Variants in NAF1 observed in about 807,000 individuals in gnomAD.
NAF1 encodes the protein nuclear assembly factor 1 ribonucleoprotein, also known as H/ACA ribonucleoprotein complex non-core subunit NAF1.
In NAF1, 11 loss-of-function variants were observed where a neutral mutation model predicts 40.6. The observed-to-expected ratio is 0.27, with a 90% confidence interval of 0.17 to 0.45. The LOEUF is 0.45. NAF1 is among the 20% of genes least tolerant of loss of function. The probability of loss-of-function intolerance (pLI) is 1.00; values close to 1 mark genes in which losing one functional copy is unlikely to be tolerated. For missense variants in NAF1, 607 were observed against 611.1 expected (o/e 0.99, Z 0.07); for synonymous variants, 260 against 228.5 (o/e 1.14, Z -1.24).
At position 163,166,782 on chromosome 4, in the gene NAF1, A is replaced by T; in HGVS notation, c.-55T>A. The T allele has an allele frequency of 6.2e-7, 1 of 1,602,134 alleles. No homozygotes were observed. The highest frequency in any genetic ancestry group is 8.5e-7 in the Non-Finnish European group (1 of 1,175,200). On this transcript the variant is annotated 5_prime_UTR_variant, in exon 1 of 8. Coordinates refer to ENST00000274054, the MANE Select transcript of NAF1 (RefSeq NM_138386.3). ...AGGATTGGGGCCCCTGGACAAGCTC[A>T]CGGCTCTCTCCAGAAATAGAAAAAC...
intron 2 of NAF1, chr4:163,110,336 T>C (rs972331533): frequency 2.9e-6 from 2 of 694,662 alleles, no homozygotes; most frequent in African/African-American, 1.8e-5. Context: ...AGAGAAAGAA[T>C]ACATTCACAT....
chr4:163,133,013 C>T (rs1730927564), intron 7 of NAF1, 141 bp downstream of exon 7: 3 of 653,096 alleles, frequency 4.6e-6, no homozygotes, highest in Admixed American at 5.9e-5. Context: ...ACACCTCCTG[C>T]TATGTAATGG....
At chr4:163,143,370 T>G (rs1174977317) in intron 4 of NAF1, among the ~76,000 whole-genome samples, 1 of 152,164 alleles carries the variant, frequency 6.6e-6, no homozygotes, top group African/African-American at 2.4e-5. Flanking sequence ...ATAGAGTGCA[T>G]GCAGTTCCCC....
intron 7 of NAF1, among the ~76,000 whole-genome samples, chr4:163,130,538 A>G (rs1170687818): frequency 2.6e-5 from 4 of 152,258 alleles, no homozygotes; most frequent in African/African-American, 9.6e-5. Flanking sequence ...AAGTAATCAC[A>G]GCAGTGTGGT....
At chr4:163,163,398 A>C (rs1732308588) in intron 2 of NAF1, among the ~76,000 whole-genome samples, 1 of 152,180 alleles carries the variant, frequency 6.6e-6, no homozygotes, top group Non-Finnish European at 1.5e-5. Flanking sequence ...ATCTTGCATT[A>C]AACTATCTCA....
chr4:163,151,241 A>G (rs1429433381), intron 2 of NAF1, among the ~76,000 whole-genome samples: 1 of 152,142 alleles, frequency 6.6e-6, no homozygotes, highest in East Asian at 1.9e-4. Flanking sequence ...AACCTTTAGC[A>G]TTTTAATTTT....
intron 2 of NAF1, among the ~76,000 whole-genome samples, chr4:163,160,466 A>G (rs552302846): frequency 2.0e-5 from 3 of 152,334 alleles, no homozygotes; most frequent in Non-Finnish European, 2.9e-5. Context: ...GAACAATCAT[A>G]AAGTTATTTC....
intron 5 of NAF1, among the ~76,000 whole-genome samples, chr4:163,137,533 T>C (rs1261579122): frequency 6.6e-6 from 1 of 152,150 alleles, no homozygotes; most frequent in Non-Finnish European, 1.5e-5. Flanking sequence ...GATTTTTGTT[T>C]TCATAATATT....
intron 2 of NAF1, among the ~76,000 whole-genome samples, chr4:163,160,219 A>T (rs1199636842): frequency 1.3e-5 from 2 of 152,168 alleles, no homozygotes; most frequent in East Asian, 3.9e-4. Flanking sequence ...TAAAAGAATA[A>T]TTTTATCTAG....
intron 2 of NAF1, among the ~76,000 whole-genome samples, chr4:163,155,920 A>T (rs1474414707): frequency 6.7e-6 from 1 of 148,934 alleles, no homozygotes; most frequent in Non-Finnish European, 1.5e-5. Context: ...ATACTAATAA[A>T]CTAAAAAAAT....
intron 2 of NAF1, among the ~76,000 whole-genome samples, chr4:163,161,342 G>A (rs1239966757): frequency 1.3e-5 from 2 of 152,146 alleles, no homozygotes; most frequent in Non-Finnish European, 2.9e-5. Flanking sequence ...GCGTGGTGGT[G>A]GGCGCTTGTA....
At chr4:163,123,485 G>C (rs918936422), downstream of NAF1, among the ~76,000 whole-genome samples, 11 of 152,086 alleles carry the variant, frequency 7.2e-5, no homozygotes, top group Non-Finnish European at 1.0e-4. Context: ...GGGTTCAAGT[G>C]ATCTTCCTGC....
rs867335657 is a variant in NAF1, at chr4:163,165,654, T to C, written c.365+709A>G. On this transcript the variant is annotated intron_variant, in intron 1 of 7. Transcript: ENST00000274054. ...TCAACACGTGTCTATCTTGTTAACC[T>C]GTTCAGTACCCCACTCAACACACTC... 3.9e-5 allele frequency among the ~76,000 whole-genome samples: 6 copies of C among 152,272 alleles called. 1 individual carries two copies. The highest frequency in any genetic ancestry group is 4.1e-4 in the South Asian group (2 of 4,830).
intron 2 of NAF1, chr4:163,119,895 T>G (rs1230256735): frequency 6.6e-6 from 1 of 152,256 alleles, no homozygotes; most frequent in Admixed American, 6.5e-5. Context: ...CGGTAAATAT[T>G]TTTCTGCCCA....
intron 6 of NAF1, chr4:163,135,890 A>G (rs1437067503): frequency 6.6e-6 from 1 of 152,250 alleles, no homozygotes; most frequent in Non-Finnish European, 1.5e-5. Flanking sequence ...AATTCCAGTA[A>G]TAAGATGCTA....
chr4:163,120,600 C>T (rs973453935), intron 2 of NAF1, among the ~76,000 whole-genome samples: 2 of 152,140 alleles, frequency 1.3e-5, no homozygotes, highest in Admixed American at 6.6e-5. Flanking sequence ...CTAAAATATG[C>T]GTAACAATTA....
chr4:163,126,994 T>G (rs762022760), downstream of NAF1: 28 of 1,551,018 alleles, frequency 1.8e-5, no homozygotes, highest in Non-Finnish European at 2.3e-5. Context: ...GCATACTTAA[T>G]AAACTAAAGT....
chr4:163,113,337 C>G (rs926169681), intron 2 of NAF1, among the ~76,000 whole-genome samples: 1 of 151,906 alleles, frequency 6.6e-6, no homozygotes, highest in Non-Finnish European at 1.5e-5. Flanking sequence ...TCTCCACTTT[C>G]ATAATTCCTC....
intron 4 of NAF1, among the ~76,000 whole-genome samples, chr4:163,143,814 CT>C (rs1731354855): frequency 6.6e-6 from 1 of 152,170 alleles, no homozygotes; most frequent in Non-Finnish European, 1.5e-5. Flanking sequence ...GGAAATGAAC[CT>C]TTACAACTAT....
Sources: allele counts gnomAD v4.1 joint callset (sites outside exome capture counted in the v4.1 genomes callset), GRCh38; gene constraint gnomAD v4.1.1; transcripts MANE v1.5; gene names NCBI Gene and HGNC (gene_info 2026-07-23, HGNC 2026-07-21).